The following WNT3 variants were observed in gnomAD, a reference collection of about 807,000 sequenced individuals.
WNT3 encodes the protein Wnt family member 3, also known as proto-oncogene Wnt-3.
In WNT3, 7 loss-of-function variants were observed where a neutral mutation model predicts 34.2. That is an observed-to-expected ratio of 0.20 (90% CI 0.12 to 0.38). The LOEUF is 0.38. Among genes scored for constraint, WNT3 ranks in the 10% least tolerant of loss-of-function variants. WNT3 has a pLI of 1.00. For missense variants in WNT3, 267 were observed against 499.8 expected (o/e 0.53, Z 4.44); for synonymous variants, 212 against 211.5 (o/e 1.00, Z -0.02).
chr17:46,781,339 A>G (rs11655354), intron 1 of WNT3, among the ~76,000 whole-genome samples: 1 of 151,908 alleles, frequency 6.6e-6, no homozygotes, highest in Non-Finnish European at 1.5e-5. Context: ...AAGAACAAAT[A>G]CTGTATGATT....
At chr17:46,808,342 A>G (rs1014658794) in intron 1 of WNT3, among the ~76,000 whole-genome samples, 3 of 152,248 alleles carry the variant, frequency 2.0e-5, no homozygotes, top group African/African-American at 7.2e-5. Context: ...GACGTTCACA[A>G]ATAGTATCTA....
intron 1 of WNT3, among the ~76,000 whole-genome samples, chr17:46,817,210 G>T (rs942925054): frequency 1.3e-5 from 2 of 152,184 alleles, no homozygotes; most frequent in South Asian, 2.1e-4. Flanking sequence ...CCCAAGTCTC[G>T]CTGTCTCTGC....
intron 1 of WNT3, among the ~76,000 whole-genome samples, chr17:46,812,332 C>G (rs933815358): frequency 6.6e-5 from 10 of 152,150 alleles, no homozygotes; most frequent in Non-Finnish European, 8.8e-5. Context: ...ACCTCCACCC[C>G]CCTACCCCCG....
At chr17:46,767,185 C>A (rs1012104833) in intron 4 of WNT3, among the ~76,000 whole-genome samples, 2 of 152,122 alleles carry the variant, frequency 1.3e-5, no homozygotes, top group Non-Finnish European at 2.9e-5. Flanking sequence ...GAACCCAGGG[C>A]CAGTGCATAG....
At chr17:46,800,537 G>C (rs2084111215) in intron 1 of WNT3, among the ~76,000 whole-genome samples, 1 of 152,216 alleles carries the variant, frequency 6.6e-6, no homozygotes, top group African/African-American at 2.4e-5. Flanking sequence ...GGGAAGACAA[G>C]ACAGATGCAC....
In WNT3 at chr17:46,805,662, G is replaced by C. The variant is rs539648682; in HGVS notation, c.80+12856C>G. ...GTGATTTGGCAATCTAAGGCAGGAG[G>C]ATAGCTTCACCCCAGGAGATTGAGG... On this transcript the variant is annotated intron_variant, in intron 1 of 4. Transcript: ENST00000225512. Among the ~76,000 whole-genome samples, 3 of 152,316 alleles carry C rather than the reference G, an allele frequency of 2.0e-5. No individual in the cohort carries two copies. The East Asian group carries it at 5.8e-4, about 29-fold the overall frequency.
At chr17:46,765,204 C>G (rs186475910) in intron 4 of WNT3, among the ~76,000 whole-genome samples, 1 of 152,340 alleles carries the variant, frequency 6.6e-6, no homozygotes, top group East Asian at 1.9e-4. Context: ...CAAGATAAGA[C>G]TACTTTACAG....
At chr17:46,810,576 T>A (rs1265231757) in intron 1 of WNT3, among the ~76,000 whole-genome samples, 1 of 152,142 alleles carries the variant, frequency 6.6e-6, no homozygotes, top group African/African-American at 2.4e-5. Context: ...TCATCCAATT[T>A]GCAGATGAGA....
intron 1 of WNT3, among the ~76,000 whole-genome samples, chr17:46,780,091 T>A (rs2059447548): frequency 6.6e-6 from 1 of 152,182 alleles, no homozygotes; most frequent in Non-Finnish European, 1.5e-5. Context: ...TTTTAATCAG[T>A]GAATTCAGGT....
At chr17:46,811,608 C>A (rs2146464517) in intron 1 of WNT3, among the ~76,000 whole-genome samples, 1 of 152,260 alleles carries the variant, frequency 6.6e-6, no homozygotes, top group East Asian at 1.9e-4. Context: ...CCCTCCCAGG[C>A]AGCAGCAGGA....
intron 1 of WNT3, among the ~76,000 whole-genome samples, chr17:46,789,482 G>C (rs1426027241): frequency 1.3e-5 from 2 of 152,224 alleles, no homozygotes; most frequent in Non-Finnish European, 2.9e-5. Context: ...TCCACCAGAA[G>C]TGTGACAGTA....
chr17:46,771,997 CGCGCCCCGGGCTGCCCGACCCGCT>C (rs1368279648), intron 2 of WNT3, among the ~76,000 whole-genome samples: 14 of 150,966 alleles, frequency 9.3e-5, no homozygotes, highest in Middle Eastern at 3.4e-3. Flanking sequence ...GCGGAAGACG[CGCGCCCCGGGCTGCCCGACCCGCT>C]GCGCCCCGGG....
chr17:46,767,650 C>G (rs552072591), intron 4 of WNT3, among the ~76,000 whole-genome samples: 2 of 152,322 alleles, frequency 1.3e-5, no homozygotes, highest in East Asian at 1.9e-4. Flanking sequence ...TCCAGCCCCC[C>G]ATCTCCAAAT....
intron 1 of WNT3, among the ~76,000 whole-genome samples, chr17:46,809,082 A>C (rs1467994367): frequency 6.6e-6 from 1 of 152,034 alleles, no homozygotes; most frequent in Non-Finnish European, 1.5e-5. Flanking sequence ...ACAAGCAAAG[A>C]GGTGAGTATT....
intron 1 of WNT3, among the ~76,000 whole-genome samples, chr17:46,796,610 G>T (rs188805774): frequency 6.6e-6 from 1 of 152,200 alleles, no homozygotes; most frequent in East Asian, 1.9e-4. Flanking sequence ...TTCCTGCCCC[G>T]CAGGGGCTCC....
intron 1 of WNT3, among the ~76,000 whole-genome samples, chr17:46,811,130 A>G (rs2084269666): frequency 9.9e-6 from 1 of 100,900 alleles, no homozygotes; most frequent in African/African-American, 3.0e-5. Flanking sequence ...AAACAGATAA[A>G]TCGACACTAC....
chr17:46,768,543 T>C lies in WNT3; in HGVS notation c.845A>G (p.Asn282Ser). The C allele has an allele frequency of 6.2e-7, 1 of 1,614,052 alleles. No individual in the cohort carries two copies. Residue 282 changes from asparagine (N) to serine (S), a missense_variant, in exon 4 of 5, where the codon AAC becomes AGC. By Grantham distance (46) the Asn-to-Ser change is conservative (BLOSUM62 1). Transcript: ENST00000225512. The surrounding 1 kb of genome is among the most constrained non-coding windows in gnomAD (Gnocchi z 5.0). ...CGTCTCTGGGTTGGGCTCACAAAAG[T>C]TGGGGGAGTTCTCGTAGTAGACCAG... Reference protein sequence around the residue: ...RDLVYYENSPNFCEPNPETGS... With the variant: ...RDLVYYENSPSFCEPNPETGS...
In WNT3 at chr17:46,768,659, C is replaced by T; in HGVS notation, c.729G>A (p.Glu243=). The change falls in exon 4 of 5, where the codon GAG becomes GAA. Residue 243 remains glutamate (E), a synonymous_variant. Coordinates refer to ENST00000225512, the MANE Select transcript of WNT3 (RefSeq NM_030753.5). The surrounding 1 kb of genome is among the most constrained non-coding windows in gnomAD (Gnocchi z 5.0). ...ACTCACGGTGCTTCTCTACTACCAT[C>T]TCCGAGGCGCTGTCATACTTGTCCT... ...FLKDKYDSAS[E]MVVEKHRESR... 1.9e-6 allele frequency: 3 copies of T among 1,614,192 alleles called. No homozygotes were observed. Among genetic ancestry groups the T allele is most frequent in the Non-Finnish European group, 2.5e-6 (3 of 1,180,036 alleles).
Position 46,769,743 on chromosome 17 carries a change from G to T in WNT3, c.588+40C>A, listed in dbSNP as rs368918469. On this transcript the variant is annotated intron_variant, in intron 3 of 4. Transcript: ENST00000225512. Reference sequence around the variant, plus strand: ...GGCAGCTCCGGAGGGGAAGCGGGGGGCTGCTCCCTGAAGGGTTTGGGGAGG... The same window carrying T: ...GGCAGCTCCGGAGGGGAAGCGGGGGTCTGCTCCCTGAAGGGTTTGGGGAGG... 4 of 1,602,778 alleles carry T rather than the reference G, an allele frequency of 2.5e-6. No homozygotes were observed. The African/African-American group carries it at 4.0e-5, about 16-fold the overall frequency.
Sources: gnomAD v4.1 joint callset for allele counts (sites outside exome capture counted in the v4.1 genomes callset) on GRCh38, gnomAD v4.1.1 for gene constraint, Gnocchi (gnomAD v3.1) non-coding constraint, MANE v1.5 for transcripts, NCBI Gene and HGNC (gene_info 2026-07-23, HGNC 2026-07-21) for gene names.